The following MARCHF1 variants were observed in gnomAD, a reference collection of about 807,000 sequenced individuals.
MARCHF1 encodes E3 ubiquitin-protein ligase MARCHF1.
Under a neutral mutation model 54.2 loss-of-function variants are expected in MARCHF1, and 40 were observed. The ratio of observed to expected loss-of-function variants is 0.74; its 90% CI spans 0.57 to 0.96. MARCHF1 has a LOEUF of 0.96. MARCHF1 is among the 40% of genes least tolerant of loss of function. The pLI is 0.00. For missense variants in MARCHF1, 586 were observed against 656.5 expected (o/e 0.89, Z 1.17); for synonymous variants, 236 against 236.3 (o/e 1.00, Z 0.01).
intron 4 of MARCHF1, among the ~76,000 whole-genome samples, chr4:163,811,244 T>TTTTAGTGGCACTAAACATTG (rs59260870): frequency 1.3e-4 from 19 of 151,632 alleles, no homozygotes; most frequent in African/African-American, 2.4e-4. Flanking sequence ...GTTTTAAGAT[T>TTTTAGTGGCACTAAACATTG]TTTAGTGGCA....
intron 2 of MARCHF1, among the ~76,000 whole-genome samples, chr4:164,055,997 G>A (rs6838158): frequency 0.74 from 112,922 of 151,866 alleles, 42,397 homozygotes; most frequent in Non-Finnish European, 0.79. Context: ...AGAGCTTTGC[G>A]ATGTTTCTAA....
intron 3 of MARCHF1, among the ~76,000 whole-genome samples, chr4:163,947,833 T>C (rs1042207182): frequency 8.5e-5 from 13 of 152,236 alleles, no homozygotes; most frequent in African/African-American, 2.9e-4. Context: ...CTTTAGTTTA[T>C]AATAATTTAC....
At chr4:163,881,306 C>T (rs2111243998) in intron 3 of MARCHF1, among the ~76,000 whole-genome samples, 1 of 152,256 alleles carries the variant, frequency 6.6e-6, no homozygotes, top group African/African-American at 2.4e-5. Context: ...AAAACCCCGT[C>T]TCCACTAAAA....
Position 163,963,407 on chromosome 4 carries a change from C to T in MARCHF1, c.-39+25094G>A, listed in dbSNP as rs116839428. ...ACATAGGAATTGAAAACCGATGATA[C>T]CGAGTTAAGATACATTTTACTATTC... is the stretch of plus-strand genomic sequence containing the variant. On this transcript the variant is annotated intron_variant, in intron 3 of 9. Transcript: ENST00000514618. Among the ~76,000 whole-genome samples the T allele has an allele frequency of 9.5e-3, 1,448 of 151,900 alleles. 23 individuals carry two copies. Among genetic ancestry groups the T allele is most frequent in the African/African-American group, 0.032 (1,333 of 41,470 alleles).
At chr4:163,992,278 T>G (rs562443729) in intron 2 of MARCHF1, among the ~76,000 whole-genome samples, 1 of 152,086 alleles carries the variant, frequency 6.6e-6, no homozygotes, top group Non-Finnish European at 1.5e-5. Flanking sequence ...CAGCAGGTAA[T>G]GTATAAAATT....
chr4:164,014,419 C>A (rs1197734196), intron 2 of MARCHF1, among the ~76,000 whole-genome samples: 2 of 151,804 alleles, frequency 1.3e-5, no homozygotes, highest in African/African-American at 4.8e-5. Flanking sequence ...AAATAGAAAG[C>A]AAGAAATAAC....
At chr4:164,208,817 G>A (rs1016522231) in intron 1 of MARCHF1, among the ~76,000 whole-genome samples, 20 of 152,134 alleles carry the variant, frequency 1.3e-4, no homozygotes, top group African/African-American at 4.1e-4. Context: ...GTGTGGTGGC[G>A]TGAGCCTGTA....
At chr4:164,130,966 G>A (rs1756288868) in intron 1 of MARCHF1, among the ~76,000 whole-genome samples, 1 of 152,066 alleles carries the variant, frequency 6.6e-6, no homozygotes, top group Non-Finnish European at 1.5e-5. Flanking sequence ...ATGATTATCT[G>A]CCATTTCTTT....
chr4:163,553,212 T>C (rs1560938101), intron 8 of MARCHF1, among the ~76,000 whole-genome samples: 1 of 152,162 alleles, frequency 6.6e-6, no homozygotes, highest in Non-Finnish European at 1.5e-5. Flanking sequence ...ACTTAATACA[T>C]GTAAATGCAG....
At chr4:163,573,315 T>TATG (rs1213556990) in intron 8 of MARCHF1, among the ~76,000 whole-genome samples, 3 of 149,528 alleles carry the variant, frequency 2.0e-5, no homozygotes, top group Non-Finnish European at 4.5e-5. Context: ...TTATTATTAT[T>TATG]ATTATTATTA....
intron 2 of MARCHF1, among the ~76,000 whole-genome samples, chr4:164,015,881 A>T (rs1302396535): frequency 6.6e-6 from 1 of 150,854 alleles, no homozygotes; most frequent in African/African-American, 2.4e-5. Flanking sequence ...GCAACTATGG[A>T]AAACAGTATA....
chr4:163,800,862 G>A (rs956036690), intron 4 of MARCHF1, among the ~76,000 whole-genome samples: 6 of 152,142 alleles, frequency 3.9e-5, no homozygotes, highest in Admixed American at 1.3e-4. Flanking sequence ...TGTTGTCAGC[G>A]TCTCTAAACT....
In MARCHF1 at chr4:163,851,390, C is replaced by G. The variant is rs557371937; in HGVS notation, c.111+2631G>C. Among the ~76,000 whole-genome samples, 86 of 152,184 alleles carry G rather than the reference C, an allele frequency of 5.7e-4. 1 individual carries two copies. Among genetic ancestry groups the G allele is most frequent in the African/African-American group, 2.0e-3 (85 of 41,516 alleles). On this transcript the variant is annotated intron_variant, in intron 4 of 9. Coordinates refer to ENST00000514618, the MANE Select transcript of MARCHF1 (RefSeq NM_001394959.1). ...ATGTGTACCTGATTCTTTCTCTATC[C>G]AAGAATCATGGTTTATTGTGGATTC...
At chr4:163,829,662 G>A (rs1396159517) in intron 4 of MARCHF1, among the ~76,000 whole-genome samples, 1 of 152,132 alleles carries the variant, frequency 6.6e-6, no homozygotes, top group South Asian at 2.1e-4. Context: ...TGGATGATAT[G>A]TACGCAAATA....
intron 2 of MARCHF1, among the ~76,000 whole-genome samples, chr4:164,019,737 T>G (rs147481689): frequency 0.018 from 2,814 of 152,256 alleles, 36 homozygotes; most frequent in African/African-American, 0.047. Context: ...AACACTGAGC[T>G]CCCAATTCAT....
chr4:164,027,384 A>AG, intron 2 of MARCHF1, among the ~76,000 whole-genome samples: 1 of 145,146 alleles, frequency 6.9e-6, no homozygotes. Flanking sequence ...AAAAAAAAAA[A>AG]AAAAAAAAAG....
chr4:163,635,275 C>CA (rs1437306183), intron 5 of MARCHF1, among the ~76,000 whole-genome samples: 1 of 133,152 alleles, frequency 7.5e-6, no homozygotes, highest in Non-Finnish European at 1.6e-5. Context: ...AATAGAGACA[C>CA]AAAAAACCCT....
chr4:164,224,276 C>A (rs7668234), intron 1 of MARCHF1, among the ~76,000 whole-genome samples: 6 of 151,620 alleles, frequency 4.0e-5, no homozygotes, highest in Non-Finnish European at 8.8e-5. Context: ...TCATCATCTA[C>A]CATTAGCATT....
intron 3 of MARCHF1, among the ~76,000 whole-genome samples, chr4:163,873,969 C>A (rs561110322): frequency 6.6e-6 from 1 of 152,194 alleles, no homozygotes; most frequent in South Asian, 2.1e-4. Flanking sequence ...GTAACGAAAC[C>A]CTAATATTAG....
Sources: allele counts gnomAD v4.1 joint callset (sites outside exome capture counted in the v4.1 genomes callset), GRCh38; gene constraint gnomAD v4.1.1; transcripts MANE v1.5; gene names NCBI Gene and HGNC (gene_info 2026-07-23, HGNC 2026-07-21).